The following OR1B1 variants were observed in gnomAD, a reference collection of about 807,000 sequenced individuals.
OR1B1 encodes the protein olfactory receptor family 1 subfamily B member 1.
For synonymous variants in OR1B1, 168 were observed against 156.2 expected, an observed-to-expected ratio of 1.08 and a Z score of -0.57; for missense variants, 414 against 402.1, an observed-to-expected ratio of 1.03 and a Z score of -0.25.
chr9:122,630,933 C>G (rs1830197288), upstream of OR1B1, among the ~76,000 whole-genome samples: 1 of 152,130 alleles, frequency 6.6e-6, no homozygotes, highest in Non-Finnish European at 1.5e-5. Context: ...GTCTCGAACT[C>G]CTGATCTCGT....
At chr9:122,649,741 G>A in the OR1B1 span, among the ~76,000 whole-genome samples, 10,271 of 151,996 alleles carry the variant, frequency 0.068, 927 homozygotes, top group African/African-American at 0.2. Context: ...TTAAAAAGTC[G>A]GGAAACAACA....
At chr9:122,644,488 T>C in the OR1B1 span, among the ~76,000 whole-genome samples, 1 of 152,214 alleles carries the variant, frequency 6.6e-6, no homozygotes, top group Non-Finnish European at 1.5e-5. Context: ...CTCTAATCCC[T>C]GGCTTCCAGA....
exon 1 of OR1B1, chr9:122,628,683 T>C (rs1371894832): frequency 6.2e-7 from 1 of 1,613,262 alleles, no homozygotes; most frequent in African/African-American, 1.3e-5. Flanking sequence ...GTAATGGCAG[T>C]ATACATTACT....
the OR1B1 span, among the ~76,000 whole-genome samples, chr9:122,635,194 G>C: frequency 6.6e-6 from 1 of 152,298 alleles, no homozygotes; most frequent in South Asian, 2.1e-4. Flanking sequence ...TAAAAAGGAA[G>C]AGGTTCTGCT....
At chr9:122,641,042 G>A in the OR1B1 span, among the ~76,000 whole-genome samples, 5 of 152,144 alleles carry the variant, frequency 3.3e-5, no homozygotes, top group African/African-American at 1.2e-4. Flanking sequence ...AATCTTATTT[G>A]GAGTTGGTCC....
the OR1B1 span, among the ~76,000 whole-genome samples, chr9:122,655,084 A>C: frequency 1.1e-3 from 162 of 152,330 alleles, 2 homozygotes; most frequent in East Asian, 0.019. Context: ...AAAAATAAAC[A>C]TTTAAGAAAA....
the OR1B1 span, among the ~76,000 whole-genome samples, chr9:122,646,792 T>C: frequency 6.6e-6 from 1 of 152,126 alleles, no homozygotes; most frequent in African/African-American, 2.4e-5. Flanking sequence ...ACCGCTATAA[T>C]TGTGGTGTGT....
chr9:122,628,598 C>G (rs1830164674), exon 1 of OR1B1: 2 of 1,610,864 alleles, frequency 1.2e-6, no homozygotes, highest in Non-Finnish European at 8.5e-7. Context: ...TACCTTCACC[C>G]ATTCAAGCAG....
chr9:122,639,832 A>G, the OR1B1 span: 3 of 151,462 alleles, frequency 2.0e-5, no homozygotes, highest in Non-Finnish European at 4.4e-5. Flanking sequence ...AATTTACTCC[A>G]TTTTTGCTTC....
At chr9:122,642,967 C>T in the OR1B1 span, among the ~76,000 whole-genome samples, 41 of 152,186 alleles carry the variant, frequency 2.7e-4, no homozygotes, top group African/African-American at 8.9e-4. Flanking sequence ...CCTGAAGTGT[C>T]GGATATAGTG....
At chr9:122,655,677 G>C in the OR1B1 span, among the ~76,000 whole-genome samples, 19 of 148,304 alleles carry the variant, frequency 1.3e-4, no homozygotes, top group Admixed American at 1.3e-3. Flanking sequence ...GACACATACT[G>C]GGGCCTGTTG....
the OR1B1 span, among the ~76,000 whole-genome samples, chr9:122,643,104 C>G: frequency 7.5e-6 from 1 of 132,826 alleles, no homozygotes; most frequent in Admixed American, 7.5e-5. Flanking sequence ...ACTGGACCAC[C>G]TAATTTTAAC....
At chr9:122,644,682 T>C in the OR1B1 span, among the ~76,000 whole-genome samples, 2 of 151,736 alleles carry the variant, frequency 1.3e-5, no homozygotes, top group South Asian at 4.2e-4. Flanking sequence ...AGAATAAGAG[T>C]CTCTGCCTGG....
chr9:122,639,747 CAAATT>C, the OR1B1 span: 4 of 148,914 alleles, frequency 2.7e-5, no homozygotes, highest in African/African-American at 7.3e-5. Flanking sequence ...TTGAATCTAT[CAAATT>C]AAATTTCAAT....
chr9:122,635,286 T>A, the OR1B1 span, among the ~76,000 whole-genome samples: 1 of 152,152 alleles, frequency 6.6e-6, no homozygotes, highest in East Asian at 1.9e-4. Flanking sequence ...TACTGCATAA[T>A]TTTACTTTTA....
At chr9:122,634,199 G>A (rs527612168), upstream of OR1B1, among the ~76,000 whole-genome samples, 165 of 152,104 alleles carry the variant, frequency 1.1e-3, no homozygotes, top group African/African-American at 3.7e-3. Flanking sequence ...AGCCAGGCGT[G>A]GTGGCACATA....
At chr9:122,649,960 C>A in the OR1B1 span, among the ~76,000 whole-genome samples, 1 of 152,110 alleles carries the variant, frequency 6.6e-6, no homozygotes, top group Non-Finnish European at 1.5e-5. Context: ...ATGTTTATTG[C>A]AGCACTGTTC....
chr9:122,633,625 C>G (rs896989754), upstream of OR1B1, among the ~76,000 whole-genome samples: 1 of 151,798 alleles, frequency 6.6e-6, no homozygotes, highest in East Asian at 1.9e-4. Flanking sequence ...ATAATAATAA[C>G]CAAGTTTCAA....
At chr9:122,629,694 CT>C (rs1159228177), upstream of OR1B1, 8 of 546,666 alleles carry the variant, frequency 1.5e-5, no homozygotes, top group Non-Finnish European at 2.6e-5. Flanking sequence ...TCCCTAAGGT[CT>C]AGGATTTCGC....
Sources: allele counts gnomAD v4.1 joint callset (sites outside exome capture counted in the v4.1 genomes callset), GRCh38; gene constraint gnomAD v4.1.1; transcripts MANE v1.5; gene names NCBI Gene and HGNC (gene_info 2026-07-23, HGNC 2026-07-21).